ATP8B4: variants seen among roughly 807,000 people sequenced by gnomAD.
ATP8B4 encodes probable phospholipid-transporting ATPase IM.
A neutral mutation model predicts 145.6 loss-of-function variants in ATP8B4; 133 were observed. The ratio of observed to expected loss-of-function variants is 0.91; its 90% CI spans 0.79 to 1.05. The LOEUF is 1.05. Among genes scored for constraint, ATP8B4 ranks in the 50% least tolerant of loss-of-function variants. The pLI is 0.00. For missense variants in ATP8B4, 1,458 were observed against 1,425.2 expected (o/e 1.02, Z -0.37); for synonymous variants, 507 against 492.9 (o/e 1.03, Z -0.38).
chr15:50,089,389 A>T (rs748966766), intron 2 of ATP8B4, among the ~76,000 whole-genome samples: 1 of 152,136 alleles, frequency 6.6e-6, no homozygotes, highest in Non-Finnish European at 1.5e-5. Context: ...CCTGACAAAG[A>T]TCTAACACCC....
At chr15:50,051,984 C>G (rs1335410761) in intron 3 of ATP8B4, among the ~76,000 whole-genome samples, 2 of 152,204 alleles carry the variant, frequency 1.3e-5, no homozygotes, top group African/African-American at 2.4e-5. Flanking sequence ...ATGATGAAAA[C>G]CCTCACAGCT....
Position 49,975,327 on chromosome 15 carries a change from T to A in ATP8B4, c.1035-2537A>T, listed in dbSNP as rs567915863. On this transcript the variant is annotated intron_variant, in intron 12 of 27. Transcript: ENST00000284509. Reference sequence around the variant, plus strand: ...AGTCTTATAGATTTGTTCTTGAACATCACAGTTGTCCCTTGAATCTGTGGG... The same window carrying A: ...AGTCTTATAGATTTGTTCTTGAACAACACAGTTGTCCCTTGAATCTGTGGG... Among the ~76,000 whole-genome samples, 18 of 152,238 alleles carry A rather than the reference T, an allele frequency of 1.2e-4. No homozygotes were observed. In the South Asian group the frequency reaches 3.7e-3, roughly 32 times the overall value.
At chr15:49,872,420 G>C (rs561442392) in intron 25 of ATP8B4, among the ~76,000 whole-genome samples, 8 of 152,108 alleles carry the variant, frequency 5.3e-5, no homozygotes, top group Non-Finnish European at 1.0e-4. Context: ...TGGACTCAGC[G>C]ACTTACTTTT....
intron 13 of ATP8B4, among the ~76,000 whole-genome samples, chr15:49,963,525 T>C (rs2044269165): frequency 6.6e-6 from 1 of 152,176 alleles, no homozygotes. Flanking sequence ...CCATCAGTGA[T>C]AGACTGGGTA....
chr15:49,886,934 C>T (rs922006674), intron 23 of ATP8B4, among the ~76,000 whole-genome samples: 1 of 152,026 alleles, frequency 6.6e-6, no homozygotes, highest in Non-Finnish European at 1.5e-5. Flanking sequence ...CTCAGCCTCC[C>T]GAGTAGCTGG....
At chr15:49,974,383 C>T (rs2045480935) in intron 12 of ATP8B4, among the ~76,000 whole-genome samples, 1 of 144,946 alleles carries the variant, frequency 6.9e-6, no homozygotes, top group South Asian at 2.2e-4. Context: ...AGCCACCGCA[C>T]CCAGCCACTT....
intron 23 of ATP8B4, among the ~76,000 whole-genome samples, chr15:49,889,476 A>G (rs936654188): frequency 5.9e-5 from 9 of 152,248 alleles, no homozygotes; most frequent in African/African-American, 1.9e-4. Flanking sequence ...TCACAACATA[A>G]GCAACGTACT....
intron 9 of ATP8B4, among the ~76,000 whole-genome samples, chr15:49,988,699 C>T (rs757947419): frequency 4.6e-5 from 7 of 152,138 alleles, no homozygotes; most frequent in African/African-American, 9.7e-5. Flanking sequence ...AAGGGGACCA[C>T]GTCAGCCTAG....
chr15:50,146,202 C>T (rs1221221808), intron 1 of ATP8B4, among the ~76,000 whole-genome samples: 5 of 151,852 alleles, frequency 3.3e-5, no homozygotes, highest in African/African-American at 7.3e-5. Flanking sequence ...TTAGTAGAGA[C>T]GGGGTTTCAC....
At chr15:50,089,055 T>C (rs1267278912) in intron 2 of ATP8B4, among the ~76,000 whole-genome samples, 1 of 152,152 alleles carries the variant, frequency 6.6e-6, no homozygotes, top group African/African-American at 2.4e-5. Context: ...TAAAGGGTGC[T>C]AGGAGAACTG....
At chr15:50,137,005 T>A (rs2044131771) in intron 1 of ATP8B4, among the ~76,000 whole-genome samples, 1 of 152,164 alleles carries the variant, frequency 6.6e-6, no homozygotes, top group African/African-American at 2.4e-5. Context: ...CCCTGAAACA[T>A]CAGTAAGGAT....
At chr15:49,981,156 A>T (rs1012806109) in intron 11 of ATP8B4, 50 bp downstream of exon 11, 1 of 1,383,638 alleles carries the variant, frequency 7.2e-7, no homozygotes. Context: ...GATTCAGTAA[A>T]TGTACTAAGA....
chr15:49,901,110 G>A lies in ATP8B4; in HGVS notation c.2271C>T (p.Ile757=). Residue 757 remains isoleucine (I), a synonymous_variant, in exon 21 of 28, where the codon ATC becomes ATT. Coordinates refer to ENST00000284509, the MANE Select transcript of ATP8B4 (RefSeq NM_024837.4). ...EETITGDYAL[I]INGHSLAHAL... ...AACTCACCAAACTGTGGCCATTTAT[G>A]ATTAAGGCATAATCTCCTGTTATGG... 6.2e-7 allele frequency: 1 copy of A among 1,612,888 alleles called. No homozygotes were observed. The highest frequency in any genetic ancestry group is 1.1e-5 in the South Asian group (1 of 90,806).
chr15:50,045,650 G>T (rs1331003131), intron 4 of ATP8B4, among the ~76,000 whole-genome samples: 1 of 152,068 alleles, frequency 6.6e-6, no homozygotes, highest in Non-Finnish European at 1.5e-5. Flanking sequence ...AAAATGTTGA[G>T]CTTGGTGTCA....
At chr15:50,140,497 A>G (rs1469330628) in intron 1 of ATP8B4, among the ~76,000 whole-genome samples, 1 of 152,216 alleles carries the variant, frequency 6.6e-6, no homozygotes, top group Non-Finnish European at 1.5e-5. Context: ...TACCTCCCAG[A>G]GTAGTTATGA....
chr15:49,879,352 T>C, intron 24 of ATP8B4, 24 bp downstream of exon 24: 1 of 1,580,150 alleles, frequency 6.3e-7, no homozygotes, highest in Admixed American at 1.7e-5. Context: ...GAAACTAAGT[T>C]ATAAAGATGG....
intron 14 of ATP8B4, among the ~76,000 whole-genome samples, chr15:49,944,981 T>C (rs934057188): frequency 6.6e-6 from 1 of 152,114 alleles, no homozygotes; most frequent in Non-Finnish European, 1.5e-5. Context: ...AAAAAGAAAT[T>C]TGAAAATATT....
rs1025579016 is a variant in ATP8B4, at chr15:49,876,809, T to A, written c.2782-286A>T. 5 of 524,210 alleles carry A rather than the reference T, an allele frequency of 9.5e-6. No homozygotes were observed. The African/African-American group carries it at 9.6e-5, about 10-fold the overall frequency. The allele number at this position is 524,210 out of a possible 1,614,324, so 32.5% of individuals were successfully genotyped here. A position where few individuals can be genotyped will look rare whatever the true frequency, so the allele number is the denominator to read the frequency against. Reference sequence around the variant, plus strand: ...AGGGCTTGGTTTGAGCCTAGCTATTTGGCTTCAAATTGAAGTTTCTTTCCT... The same window carrying A: ...AGGGCTTGGTTTGAGCCTAGCTATTAGGCTTCAAATTGAAGTTTCTTTCCT... On this transcript the variant is annotated intron_variant, in intron 24 of 27. Transcript: ENST00000284509.
chr15:50,053,333 C>T (rs551051730), intron 3 of ATP8B4, among the ~76,000 whole-genome samples: 2 of 152,334 alleles, frequency 1.3e-5, no homozygotes, highest in Non-Finnish European at 2.9e-5. Flanking sequence ...AATAGACATT[C>T]TGCTCCAGAG....
Sources: gnomAD v4.1 joint callset for allele counts (sites outside exome capture counted in the v4.1 genomes callset) on GRCh38, gnomAD v4.1.1 for gene constraint, MANE v1.5 for transcripts, NCBI Gene and HGNC (gene_info 2026-07-23, HGNC 2026-07-21) for gene names.